CNOT2: variants seen among roughly 807,000 people sequenced by gnomAD.
CNOT2 encodes the protein CC chemokine receptor 4-negative regulator of transcription 2.
CNOT2 carries 7 observed loss-of-function variants against 72.1 expected under a neutral mutation model. The ratio of observed to expected loss-of-function variants is 0.10; its 90% CI spans 0.06 to 0.18. CNOT2 has a LOEUF of 0.18. Among genes scored for constraint, CNOT2 ranks in the 10% least tolerant of loss-of-function variants. CNOT2 has a pLI of 1.00. For missense variants in CNOT2, 345 were observed against 660.3 expected, an observed-to-expected ratio of 0.52 and a Z score of 5.23; for synonymous variants, 196 against 225.6, an observed-to-expected ratio of 0.87 and a Z score of 1.17.
chr12:70,307,168 C>T (rs1266542863), intron 2 of CNOT2, among the ~76,000 whole-genome samples: 1 of 152,138 alleles, frequency 6.6e-6, no homozygotes, highest in Non-Finnish European at 1.5e-5. Context: ...AAACACTGTA[C>T]ACTTAGGCTA....
chr12:70,295,593 T>G (rs1872686341), intron 2 of CNOT2, among the ~76,000 whole-genome samples: 2 of 152,210 alleles, frequency 1.3e-5, no homozygotes, highest in South Asian at 4.1e-4. Flanking sequence ...TCTACTGTTA[T>G]ATGTCCTTCC....
At chr12:70,265,336 T>TCG (rs1276713770) in intron 1 of CNOT2, among the ~76,000 whole-genome samples, 1 of 143,294 alleles carries the variant, frequency 7.0e-6, no homozygotes. Flanking sequence ...TTTCTTTCTT[T>TCG]TTTCTTTCTT....
intron 2 of CNOT2, among the ~76,000 whole-genome samples, chr12:70,295,062 C>G (rs1335339103): frequency 6.6e-6 from 1 of 152,126 alleles, no homozygotes; most frequent in Non-Finnish European, 1.5e-5. Context: ...GGATGTAGCT[C>G]TGGGTCTTCA....
At chr12:70,263,683 C>T (rs1282187730) in intron 1 of CNOT2, among the ~76,000 whole-genome samples, 1 of 151,994 alleles carries the variant, frequency 6.6e-6, no homozygotes, top group African/African-American at 2.4e-5. Context: ...GACATCTTGG[C>T]TCTTAAACAG....
chr12:70,330,429 C>T lies in CNOT2; in HGVS notation c.529C>T (p.Pro177Ser). 2.5e-6 allele frequency: 4 copies of T among 1,612,402 alleles called. No homozygotes were observed. The highest frequency in any genetic ancestry group is 3.4e-6 in the Non-Finnish European group (4 of 1,178,948). The change falls in exon 6 of 16, where the codon CCA becomes TCA. Residue 177 changes from proline to serine, a missense_variant. Transcript: ENST00000229195. ...AAGCTCGCCAAGCATAATATGTATG[C>T]CAAAGCAGCAGCCTTCTCGACAGCC... ...NRSSPSIICM[P>S]KQQPSRQPFT...
intron 5 of CNOT2, among the ~76,000 whole-genome samples, chr12:70,330,040 G>A (rs1040747090): frequency 6.6e-6 from 1 of 151,946 alleles, no homozygotes; most frequent in African/African-American, 2.4e-5. Context: ...TATATTTTAT[G>A]TCACAGTCAC....
chr12:70,332,985 G>A (rs1400793935), intron 7 of CNOT2, 139 bp downstream of exon 7: 14 of 1,291,354 alleles, frequency 1.1e-5, no homozygotes, highest in South Asian at 6.5e-5. Context: ...GTGAAAAATA[G>A]GAATAGGATT....
intron 14 of CNOT2, 143 bp from the exon 15 acceptor site, chr12:70,346,035 CTT>C (rs1347365991): frequency 1.2e-5 from 7 of 566,290 alleles, no homozygotes; most frequent in East Asian, 2.9e-5. Context: ...TATTTAATAA[CTT>C]ATAATAAATG....
chr12:70,283,467 T>TGATAAATA (rs1555192630), intron 2 of CNOT2, among the ~76,000 whole-genome samples: 2 of 142,458 alleles, frequency 1.4e-5, no homozygotes, highest in African/African-American at 5.3e-5. Flanking sequence ...GTCAGTCGAT[T>TGATAAATA]GATAGATAGA....
chr12:70,270,891 AAAGCACGGTGAATGGTTCGG>A (rs754270241), intron 1 of CNOT2, among the ~76,000 whole-genome samples: 140 of 152,350 alleles, frequency 9.2e-4, no homozygotes, highest in Non-Finnish European at 1.4e-3. Flanking sequence ...GTTTTAATGA[AAAGCACGGTGAATGGTTCGG>A]AAGGACTTAT....
At chr12:70,263,190 C>T (rs1958860151) in intron 1 of CNOT2, among the ~76,000 whole-genome samples, 1 of 152,058 alleles carries the variant, frequency 6.6e-6, no homozygotes, top group African/African-American at 2.4e-5. Context: ...GGGCATGAAT[C>T]GTTTTGTTTA....
intron 2 of CNOT2, among the ~76,000 whole-genome samples, chr12:70,284,315 G>A (rs1448330813): frequency 2.0e-5 from 3 of 151,296 alleles, no homozygotes; most frequent in Non-Finnish European, 4.4e-5. Context: ...CACCATCTCC[G>A]CTCACTGCAA....
At chr12:70,296,401 A>G (rs1010760865) in intron 2 of CNOT2, among the ~76,000 whole-genome samples, 66 of 151,308 alleles carry the variant, frequency 4.4e-4, no homozygotes, top group African/African-American at 1.5e-3. Context: ...TATCTTTGGT[A>G]TTCATTGAGG....
intron 4 of CNOT2, chr12:70,323,960 C>A (rs1878691375): frequency 1.3e-5 from 2 of 151,728 alleles, no homozygotes; most frequent in Non-Finnish European, 2.9e-5. Context: ...TACTGTGTAT[C>A]AGATGCGATT....
intron 1 of CNOT2, among the ~76,000 whole-genome samples, chr12:70,259,222 A>G (rs879524514): frequency 5.9e-5 from 9 of 152,154 alleles, no homozygotes; most frequent in Non-Finnish European, 1.3e-4. Context: ...GTTCTTGTTC[A>G]AGCATACTTA....
At chr12:70,332,616 G>A (rs1593256139) in intron 6 of CNOT2, 151 bp from the exon 7 acceptor site, 1 of 1,136,974 alleles carries the variant, frequency 8.8e-7, no homozygotes, top group East Asian at 3.2e-5. Context: ...TTCAAGTAAA[G>A]ATAAAGAATA....
intron 1 of CNOT2, among the ~76,000 whole-genome samples, chr12:70,265,318 C>CTCTTCTCTTCTCTTT (rs1339819074): frequency 6.9e-6 from 1 of 145,448 alleles, no homozygotes; most frequent in Non-Finnish European, 1.5e-5. Context: ...CTCTTCTCTT[C>CTCTTCTCTTCTCTTT]TCTTCTCTTT....
intron 1 of CNOT2, among the ~76,000 whole-genome samples, chr12:70,273,708 C>T (rs576544858): frequency 5.3e-5 from 8 of 152,236 alleles, no homozygotes; most frequent in African/African-American, 1.7e-4. Flanking sequence ...TAAGTATTCA[C>T]TTCATTTGAA....
intron 1 of CNOT2, among the ~76,000 whole-genome samples, chr12:70,272,577 C>A (rs1411366959): frequency 6.6e-6 from 1 of 152,064 alleles, no homozygotes; most frequent in Admixed American, 6.6e-5. Context: ...ATTGCTTATA[C>A]CGTTAAGTCT....
Sources: gnomAD v4.1 joint callset for allele counts (sites outside exome capture counted in the v4.1 genomes callset) on GRCh38, gnomAD v4.1.1 for gene constraint, MANE v1.5 for transcripts, NCBI Gene and HGNC (gene_info 2026-07-23, HGNC 2026-07-21) for gene names.